LDLRAD2: variants seen among roughly 807,000 people sequenced by gnomAD.
LDLRAD2 encodes low density lipoprotein receptor class A domain containing 2.
Under a neutral mutation model 24.9 loss-of-function variants are expected in LDLRAD2, and 25 were observed. The observed-to-expected ratio is 1.00, with a 90% CI of 0.73 to 1.40. LDLRAD2 has a LOEUF of 1.40. Ranked by LOEUF, LDLRAD2 falls within the 40% of genes most tolerant of loss-of-function variation. The probability of loss-of-function intolerance (pLI) is 0.00; values close to 1 mark genes in which losing one functional copy is unlikely to be tolerated. For missense variants in LDLRAD2, 391 were observed against 366.2 expected, an observed-to-expected ratio of 1.07 and a Z score of -0.55; for synonymous variants, 182 against 166.7, an observed-to-expected ratio of 1.09 and a Z score of -0.71.
chr1:21,813,307 A>T (rs2152676924), intron 1 of LDLRAD2, among the ~76,000 whole-genome samples: 1 of 152,224 alleles, frequency 6.6e-6, no homozygotes, highest in East Asian at 1.9e-4. Flanking sequence ...GAAATAAAAA[A>T]AAAAAAGGGT....
chr1:21,819,515 CTT>C (rs1278475886), intron 3 of LDLRAD2, among the ~76,000 whole-genome samples: 3 of 149,536 alleles, frequency 2.0e-5, no homozygotes, highest in Non-Finnish European at 4.4e-5. Flanking sequence ...TATAAATTAC[CTT>C]TCTTTATAAA....
chr1:21,823,856 C>T lies in LDLRAD2; in HGVS notation c.*1641C>T, dbSNP rs759348933. ...TGTTTCCCAAGCTCTTTCTTTCCCC[C>T]GCTGAACGAGAGATCGGGCCCCACA... On this transcript the variant is annotated 3_prime_UTR_variant, in exon 5 of 5. Transcript: ENST00000344642. 3.4e-5 allele frequency: 27 copies of T among 788,392 alleles called. No homozygotes were observed. The highest frequency in any genetic ancestry group is 5.3e-5 in the East Asian group (2 of 37,646). 48.8% of individuals were successfully genotyped at this position (788,392 alleles called of 1,614,324 possible).
At chr1:21,818,939 T>C (rs1422163613) in intron 3 of LDLRAD2, among the ~76,000 whole-genome samples, 1 of 103,472 alleles carries the variant, frequency 9.7e-6, no homozygotes, top group South Asian at 3.6e-4. Context: ...CCGCCTCCCC[T>C]CCACACTCCA....
rs768796447 is a variant in LDLRAD2 at position 21,814,382 on chromosome 1, G to A, written c.86-16G>A. ...GTCGCGCCGCGCGGCTCCAGTTTCC[G>A]TGCCTTCCGCTGCAGCCGACCTGGC... On this transcript the variant is annotated splice_polypyrimidine_tract_variant and intron_variant, in intron 1 of 4. Transcript: ENST00000344642. 5.1e-6 allele frequency: 8 copies of A among 1,570,692 alleles called. No individual in the cohort carries two copies. The highest frequency in any genetic ancestry group is 2.3e-5 in the East Asian group (1 of 43,532).
At position 21,816,024 on chromosome 1, in the gene LDLRAD2, A is replaced by G. The variant is rs1430858137; in HGVS notation, c.593A>G (p.Asn198Ser). 1 of 1,613,820 alleles carries G rather than the reference A, an allele frequency of 6.2e-7. No individual in the cohort carries two copies. Among genetic ancestry groups the G allele is most frequent in the Admixed American group, 1.7e-5 (1 of 60,022 alleles). ...GTGTGTGACCCCTGGGGCATGGACA[A>G]CTGTGGCGATGGCAGTGACCAGGGC... ...SLVCDPWGMD[N>S]CGDGSDQGSW... The change falls in exon 3 of 5, where the codon AAC becomes AGC. Residue 198 changes from asparagine to serine, a missense_variant. By Grantham distance (46) the Asn-to-Ser change is conservative. Coordinates refer to ENST00000344642, the MANE Select transcript of LDLRAD2 (RefSeq NM_001013693.3).
At position 21,812,341 on chromosome 1, in the gene LDLRAD2, T is replaced by C. The variant is rs2097939337; in HGVS notation, c.-111T>C. 1 of 741,042 alleles carries C rather than the reference T, an allele frequency of 1.3e-6. No homozygotes were observed. The highest frequency in any genetic ancestry group is 2.7e-5 in the East Asian group (1 of 37,526). 45.9% of individuals were successfully genotyped at this position (741,042 alleles called of 1,614,324 possible). The stretch of plus-strand genomic sequence containing the variant: ...GACTTGCCTCCCCCTTCTCCTTGTG[T>C]CCCACCAGCCTCCCTGCTGGCCTGA... On this transcript the variant is annotated 5_prime_UTR_variant, in exon 1 of 5. Transcript: ENST00000344642.
At chr1:21,819,918 G>T (rs779945640) in intron 3 of LDLRAD2, among the ~76,000 whole-genome samples, 9 of 152,204 alleles carry the variant, frequency 5.9e-5, no homozygotes, top group Non-Finnish European at 1.0e-4. Flanking sequence ...TTGGCAGAAG[G>T]CGAGGGGAGC....
At chr1:21,822,138 G>T (rs1027988185) in intron 4 of LDLRAD2, 64 bp from the exon 5 acceptor site, 4 of 1,613,328 alleles carry the variant, frequency 2.5e-6, no homozygotes, top group Non-Finnish European at 3.4e-6. Context: ...TGGGGGCCTC[G>T]CTGATCCCAA....
rs1418127463 is a variant in LDLRAD2, at chr1:21,822,529, C to T, written c.*314C>T. 1 of 341,480 alleles carries T rather than the reference C, an allele frequency of 2.9e-6. No homozygotes were observed. The highest frequency in any genetic ancestry group is 2.1e-5 in the African/African-American group (1 of 47,574). 21.2% of individuals were successfully genotyped at this position (341,480 alleles called of 1,614,324 possible). A position where few individuals can be genotyped will look rare whatever the true frequency, so the allele number is the denominator to read the frequency against. Reference sequence around the variant, plus strand: ...TCTGTTGGAGGAGTCCCTGGGCCTTCACTTCCAGATGGGTGGGGATGTGGC... The same window carrying T: ...TCTGTTGGAGGAGTCCCTGGGCCTTTACTTCCAGATGGGTGGGGATGTGGC... On this transcript the variant is annotated 3_prime_UTR_variant, in exon 5 of 5. Coordinates refer to ENST00000344642, the MANE Select transcript of LDLRAD2 (RefSeq NM_001013693.3).
chr1:21,815,248 CCT>C (rs1165806581), intron 2 of LDLRAD2, among the ~76,000 whole-genome samples: 2 of 152,218 alleles, frequency 1.3e-5, no homozygotes, highest in African/African-American at 4.8e-5. Flanking sequence ...CACACTCATG[CCT>C]CTCACTGCAG....
chr1:21,817,179 C>T (rs750763802), intron 3 of LDLRAD2, among the ~76,000 whole-genome samples: 5 of 152,308 alleles, frequency 3.3e-5, no homozygotes, highest in East Asian at 3.9e-4. Flanking sequence ...ACCCTTCTCA[C>T]ACCTGCTCTG....
chr1:21,813,848 C>T (rs2097940902), intron 1 of LDLRAD2, among the ~76,000 whole-genome samples: 1 of 148,896 alleles, frequency 6.7e-6, no homozygotes, highest in Admixed American at 7.0e-5. Context: ...AGAAAAGGGG[C>T]TCCTTATCAC....
rs368600574 is a variant in LDLRAD2 at position 21,814,719 on chromosome 1, C to G, written c.407C>G (p.Pro136Arg). The stretch of plus-strand genomic sequence containing the variant: ...TCCCCACTGTGCGGCCTGAACATCC[C>G]GGTGCCTGTGGCATCCTCCGGACCC... Reference protein sequence around the residue: ...LGSPLCGLNIPVPVASSGPFL... With the variant: ...LGSPLCGLNIRVPVASSGPFL... The change falls in exon 2 of 5, where the codon CCG becomes CGG. Residue 136 changes from proline (P) to arginine (R), a missense_variant. By Grantham distance (103) the Pro-to-Arg change is moderately radical. Coordinates refer to ENST00000344642, the MANE Select transcript of LDLRAD2 (RefSeq NM_001013693.3). The G allele has an allele frequency of 7.7e-6, 12 of 1,557,250 alleles. No individual in the cohort carries two copies. The highest frequency in any genetic ancestry group is 4.8e-5 in the East Asian group (2 of 41,322).
chr1:21,818,023 C>T (rs2097945722), intron 3 of LDLRAD2, among the ~76,000 whole-genome samples: 1 of 151,824 alleles, frequency 6.6e-6, no homozygotes. Context: ...ATTACAGGTG[C>T]ACACCACCAC....
Position 21,815,938 on chromosome 1 carries a change from C to T in LDLRAD2, c.512-5C>T, listed in dbSNP as rs559931533. 2 of 1,613,830 alleles carry T rather than the reference C, an allele frequency of 1.2e-6. No individual in the cohort carries two copies. Among genetic ancestry groups the T allele is most frequent in the South Asian group, 2.2e-5 (2 of 91,074 alleles). On this transcript the variant is annotated splice_region_variant and splice_polypyrimidine_tract_variant and intron_variant, in intron 2 of 4. Coordinates refer to ENST00000344642, the MANE Select transcript of LDLRAD2 (RefSeq NM_001013693.3). The stretch of plus-strand genomic sequence containing the variant: ...CTCACCTCAGGCTTCTGCTTCTGGC[C>T]TCAGGACCTTGTGGTGCCTACTTCC...
In LDLRAD2 at chr1:21,824,644, G is replaced by A. The variant is rs117725886; in HGVS notation, c.*2429G>A. 4.1e-5 allele frequency: 66 copies of A among 1,613,490 alleles called. No homozygotes were observed. The East Asian group carries it at 1.4e-3, about 35-fold the overall frequency. Reference sequence around the variant, plus strand: ...CGGAGGAAGAGCGGGTGAGGGGACAGAAGTCCCAGATTCCCATCCTCCCCA... The same window carrying A: ...CGGAGGAAGAGCGGGTGAGGGGACAAAAGTCCCAGATTCCCATCCTCCCCA... On this transcript the variant is annotated 3_prime_UTR_variant, in exon 5 of 5. Transcript: ENST00000344642. This position sits in a 1 kb window ranked among gnomAD's most constrained non-coding sequence, Gnocchi z 5.9.
chr1:21,814,398 C>G lies in LDLRAD2; in HGVS notation c.86C>G (p.Ala29Gly). The G allele has an allele frequency of 6.3e-7, 1 of 1,586,728 alleles. No individual in the cohort carries two copies. Among genetic ancestry groups the G allele is most frequent in the Non-Finnish European group, 8.6e-7 (1 of 1,166,488 alleles). The change falls in exon 2 of 5, where the codon GCC becomes GGC. Residue 29 changes from alanine (A) to glycine (G), a missense_variant and splice_region_variant. Coordinates refer to ENST00000344642, the MANE Select transcript of LDLRAD2 (RefSeq NM_001013693.3). ...AALTATALETADLAELCGQTW... is the reference protein window; with the variant it reads ...AALTATALETGDLAELCGQTW... ...CCAGTTTCCGTGCCTTCCGCTGCAG[C>G]CGACCTGGCGGAACTGTGCGGGCAG...
intron 3 of LDLRAD2, among the ~76,000 whole-genome samples, chr1:21,819,296 C>A (rs1283585116): frequency 6.6e-6 from 1 of 151,796 alleles, no homozygotes; most frequent in East Asian, 1.9e-4. Context: ...TCACTTGAAC[C>A]CGGGAGGCAT....
At chr1:21,817,830 C>T (rs907758817) in intron 3 of LDLRAD2, among the ~76,000 whole-genome samples, 11 of 152,008 alleles carry the variant, frequency 7.2e-5, no homozygotes, top group Non-Finnish European at 2.9e-5. Flanking sequence ...TTTTCTGTCC[C>T]GGGATCCCAC....
Sources: gnomAD v4.1 joint callset for allele counts (sites outside exome capture counted in the v4.1 genomes callset) on GRCh38, gnomAD v4.1.1 for gene constraint, Gnocchi (gnomAD v3.1) non-coding constraint, MANE v1.5 for transcripts, NCBI Gene and HGNC (gene_info 2026-07-23, HGNC 2026-07-21) for gene names.